Variants in RIMS2 observed in about 807,000 individuals in gnomAD.
The protein encoded by RIMS2 is regulating synaptic membrane exocytosis protein 2.
A neutral mutation model predicts 174.4 loss-of-function variants in RIMS2; 59 were observed. The observed-to-expected ratio is 0.34, with a 90% CI of 0.27 to 0.42. The LOEUF is 0.42. RIMS2 is among the 10% of genes least tolerant of loss of function. The pLI, the probability that RIMS2 is intolerant of heterozygous loss-of-function variation, is 1.00. For synonymous variants in RIMS2, 606 were observed against 572.5 expected, an observed-to-expected ratio of 1.06 and a Z score of -0.84; for missense variants, 1,620 against 1,666.3, an observed-to-expected ratio of 0.97 and a Z score of 0.48.
At chr8:103,609,101 G>C (rs1038457452) in intron 1 of RIMS2, among the ~76,000 whole-genome samples, 2 of 152,186 alleles carry the variant, frequency 1.3e-5, no homozygotes, top group African/African-American at 4.8e-5. Flanking sequence ...TTTTTCTAAT[G>C]ATTAGTGATG....
chr8:104,233,163 C>G (rs1488961284), intron 19 of RIMS2, among the ~76,000 whole-genome samples: 1 of 152,138 alleles, frequency 6.6e-6, no homozygotes, highest in Non-Finnish European at 1.5e-5. Flanking sequence ...TTTGACCACC[C>G]AATATCCATG....
At chr8:104,091,093 A>G (rs2097648344) in intron 19 of RIMS2, among the ~76,000 whole-genome samples, 1 of 151,820 alleles carries the variant, frequency 6.6e-6, no homozygotes, top group Admixed American at 6.6e-5. Flanking sequence ...ATTATTATCC[A>G]TATTTTAACA....
At chr8:104,252,299 GA>G (rs1182675171), downstream of RIMS2, 2 of 164,836 alleles carry the variant, frequency 1.2e-5, no homozygotes, top group Admixed American at 1.1e-4. Flanking sequence ...AAGTGGTCAG[GA>G]ACAATCATCA....
At chr8:103,621,592 A>T (rs1219094750) in intron 1 of RIMS2, among the ~76,000 whole-genome samples, 1 of 152,240 alleles carries the variant, frequency 6.6e-6, no homozygotes, top group Non-Finnish European at 1.5e-5. Flanking sequence ...CGTCTAGCAG[A>T]TATTTAAGAA....
chr8:104,090,798 C>T (rs757984425), intron 19 of RIMS2, among the ~76,000 whole-genome samples: 1 of 151,704 alleles, frequency 6.6e-6, no homozygotes, highest in Non-Finnish European at 1.5e-5. Flanking sequence ...GTTTTATAAA[C>T]ATATTTTCTG....
intron 19 of RIMS2, among the ~76,000 whole-genome samples, chr8:104,205,495 C>CTGTG (rs55980964): frequency 0.017 from 2,578 of 150,984 alleles, 69 homozygotes; most frequent in African/African-American, 0.057. Flanking sequence ...TGTGAAGTGT[C>CTGTG]TGTGTGTGTG....
intron 1 of RIMS2, among the ~76,000 whole-genome samples, chr8:103,623,233 A>G (rs2095678387): frequency 3.9e-5 from 6 of 152,188 alleles, no homozygotes; most frequent in Admixed American, 6.5e-5. Context: ...AAGTTATTTA[A>G]CCATTTTATT....
chr8:103,709,732 T>C (rs1218157779), intron 2 of RIMS2, among the ~76,000 whole-genome samples: 2 of 152,172 alleles, frequency 1.3e-5, no homozygotes, highest in African/African-American at 2.4e-5. Flanking sequence ...TCACCGATCA[T>C]TACTGAGCTG....
chr8:103,631,126 T>G (rs2095908460), intron 1 of RIMS2, among the ~76,000 whole-genome samples: 1 of 152,252 alleles, frequency 6.6e-6, no homozygotes, highest in Admixed American at 6.5e-5. Flanking sequence ...TAAGTTTAAT[T>G]AGATCCCATT....
intron 1 of RIMS2, among the ~76,000 whole-genome samples, chr8:103,614,011 G>T (rs1485733584): frequency 3.9e-5 from 6 of 152,176 alleles, no homozygotes; most frequent in African/African-American, 1.4e-4. Flanking sequence ...AGGAAGGGAT[G>T]GTGCAAGCAC....
intron 20 of RIMS2, among the ~76,000 whole-genome samples, chr8:104,246,690 T>G (rs1008974648): frequency 6.6e-6 from 1 of 152,082 alleles, no homozygotes; most frequent in African/African-American, 2.4e-5. Flanking sequence ...CGAGTGAAGA[T>G]CTGAAGGAAT....
intron 1 of RIMS2, among the ~76,000 whole-genome samples, chr8:103,660,673 G>A (rs138229226): frequency 6.6e-6 from 1 of 152,340 alleles, no homozygotes; most frequent in Admixed American, 6.5e-5. Flanking sequence ...ACATAGATGT[G>A]TTTCCAGGTC....
rs969435360 is a variant in RIMS2 at position 104,139,712 on chromosome 8, G to T, written c.3335-105204G>T. On this transcript the variant is annotated intron_variant, in intron 19 of 23. Coordinates refer to ENST00000504942, the Ensembl canonical transcript of RIMS2. ...TAAAATCCTATCATCTGCAAACAAA[G>T]ATAATTTGACTTCTTTCTTTCCAAT... Among the ~76,000 whole-genome samples, 21 of 152,104 alleles carry T rather than the reference G, an allele frequency of 1.4e-4. 1 individual carries two copies. The highest frequency in any genetic ancestry group is 5.1e-4 in the African/African-American group (21 of 41,420).
At chr8:104,144,775 AT>A (rs1209086574) in intron 19 of RIMS2, among the ~76,000 whole-genome samples, 2 of 152,088 alleles carry the variant, frequency 1.3e-5, no homozygotes, top group African/African-American at 4.8e-5. Flanking sequence ...CTGGCGCATC[AT>A]CTCATGAATC....
In RIMS2 at chr8:104,186,199, C is replaced by T. The variant is rs553385383; in HGVS notation, c.3335-58717C>T. On this transcript the variant is annotated intron_variant, in intron 19 of 23. Coordinates refer to ENST00000504942, the Ensembl canonical transcript of RIMS2. ...GAGCTAACTAATATGTACACATGGA[C>T]GTACAGTGTGGAATTACAGATAATG... 1.2e-4 allele frequency among the ~76,000 whole-genome samples: 18 copies of T among 151,580 alleles called. No individual in the cohort carries two copies. In the East Asian group the frequency reaches 1.6e-3, roughly 13 times the overall value.
intron 19 of RIMS2, chr8:104,015,384 GT>G: frequency 1.5e-6 from 1 of 667,574 alleles, no homozygotes; most frequent in Non-Finnish European, 2.7e-6. Flanking sequence ...TTGTTTGTTT[GT>G]TTTTGTTCTG....
At chr8:103,782,831 T>C (rs973805758) in intron 3 of RIMS2, among the ~76,000 whole-genome samples, 1 of 152,236 alleles carries the variant, frequency 6.6e-6, no homozygotes, top group Non-Finnish European at 1.5e-5. Flanking sequence ...CATTGAGTTT[T>C]TGGTCTTTAT....
chr8:104,053,176 A>G (rs918004956), intron 19 of RIMS2, among the ~76,000 whole-genome samples: 2 of 152,198 alleles, frequency 1.3e-5, no homozygotes, highest in African/African-American at 4.8e-5. Flanking sequence ...CCACAAATTA[A>G]GTAGAGGGAG....
chr8:104,252,108 G>T, downstream of RIMS2: 1 of 431,452 alleles, frequency 2.3e-6, no homozygotes, highest in Non-Finnish European at 4.1e-6. Flanking sequence ...GAATCAGTCA[G>T]TTTCATGCAA....
Sources: gnomAD v4.1 joint callset for allele counts (sites outside exome capture counted in the v4.1 genomes callset) on GRCh38, gnomAD v4.1.1 for gene constraint, MANE v1.5 for transcripts, NCBI Gene and HGNC (gene_info 2026-07-23, HGNC 2026-07-21) for gene names.